Variants in CERS3 observed in about 807,000 individuals in gnomAD.
CERS3 encodes the protein ceramide synthase 3.
Under a neutral mutation model 50.3 loss-of-function variants are expected in CERS3, and 33 were observed. The ratio of observed to expected loss-of-function variants is 0.66; its 90% confidence interval spans 0.50 to 0.88. The LOEUF is 0.88. Ranked by LOEUF, CERS3 falls within the 40% of genes least tolerant of loss-of-function variation. The pLI, the probability that CERS3 is intolerant of heterozygous loss-of-function variation, is 0.00. For missense variants in CERS3, 470 were observed against 460.3 expected (o/e 1.02, Z -0.19); for synonymous variants, 176 against 155.2 (o/e 1.13, Z -0.99).
intron 4 of CERS3, among the ~76,000 whole-genome samples, chr15:100,490,272 T>C (rs1244166315): frequency 6.6e-6 from 1 of 152,196 alleles, no homozygotes; most frequent in African/African-American, 2.4e-5. Flanking sequence ...AAGGAAACTT[T>C]ATATTGTGAA....
At chr15:100,442,921 C>T (rs562919402) in intron 11 of CERS3, among the ~76,000 whole-genome samples, 1 of 151,714 alleles carries the variant, frequency 6.6e-6, no homozygotes, top group South Asian at 2.1e-4. Flanking sequence ...CCCTTGCCTC[C>T]ATAACTGTTG....
intron 6 of CERS3, 78 bp downstream of exon 6, chr15:100,479,911 T>C (rs541986784): frequency 1.1e-4 from 113 of 1,025,096 alleles, no homozygotes; most frequent in Non-Finnish European, 1.5e-4. Flanking sequence ...GAAAGTACTA[T>C]ACCCTAAAGG....
chr15:100,421,620 C>T lies in CERS3; in HGVS notation c.1000-18755G>A, dbSNP rs910865633. Reference sequence around the variant, plus strand: ...TATGGAACCAAAAAAGAGCCCGCATCGCCAAGTCAATCCTAAGCCAAAAGA... The same window carrying T: ...TATGGAACCAAAAAAGAGCCCGCATTGCCAAGTCAATCCTAAGCCAAAAGA... On this transcript the variant is annotated intron_variant, in intron 11 of 11. Transcript: ENST00000679737. Among the ~76,000 whole-genome samples the T allele has an allele frequency of 2.2e-3, 331 of 148,734 alleles. 3 individuals are homozygous for T. The highest frequency in any genetic ancestry group is 7.6e-3 in the African/African-American group (306 of 40,196).
chr15:100,541,787 C>A (rs1452636467), intron 1 of CERS3, among the ~76,000 whole-genome samples: 1 of 152,078 alleles, frequency 6.6e-6, no homozygotes, highest in Non-Finnish European at 1.5e-5. Flanking sequence ...TAACATGTCA[C>A]AATATTTAGA....
chr15:100,536,777 G>A (rs2142428254), intron 1 of CERS3, among the ~76,000 whole-genome samples: 1 of 152,322 alleles, frequency 6.6e-6, no homozygotes, highest in South Asian at 2.1e-4. Context: ...CTCAGTCAAT[G>A]TTCCATGTGC....
intron 11 of CERS3, among the ~76,000 whole-genome samples, chr15:100,434,529 G>A (rs1469664571): frequency 1.3e-5 from 2 of 152,184 alleles, no homozygotes; most frequent in Non-Finnish European, 1.5e-5. Flanking sequence ...GAGTGTTCAG[G>A]AATAAGGTTT....
At chr15:100,436,634 AAAAT>A (rs919541278) in intron 11 of CERS3, among the ~76,000 whole-genome samples, 13 of 152,284 alleles carry the variant, frequency 8.5e-5, no homozygotes, top group African/African-American at 1.2e-4. Flanking sequence ...AGCTTAAAGT[AAAAT>A]AAATAAATAA....
At chr15:100,480,209 T>C (rs1332022995) in intron 5 of CERS3, among the ~76,000 whole-genome samples, 163 bp from the exon 6 acceptor site, 1 of 152,204 alleles carries the variant, frequency 6.6e-6, no homozygotes, top group African/African-American at 2.4e-5. Context: ...GTTACAACCT[T>C]AGGTAAATCA....
chr15:100,542,517 TA>T (rs1466773637), intron 1 of CERS3, among the ~76,000 whole-genome samples: 4 of 152,350 alleles, frequency 2.6e-5, no homozygotes, highest in Admixed American at 2.0e-4. Context: ...CTTAGTGTGA[TA>T]AATCAGACAC....
intron 2 of CERS3, among the ~76,000 whole-genome samples, chr15:100,511,800 G>A (rs112810496): frequency 1.8e-4 from 3 of 16,988 alleles, no homozygotes; most frequent in African/African-American, 3.3e-4. Context: ...TACATGCCCT[G>A]GAGAGGAGCA....
intron 10 of CERS3, among the ~76,000 whole-genome samples, chr15:100,459,760 C>T (rs2142207258): frequency 6.6e-6 from 1 of 152,288 alleles, no homozygotes; most frequent in South Asian, 2.1e-4. Flanking sequence ...TATCTGCTTC[C>T]TCAGATATTG....
intron 11 of CERS3, among the ~76,000 whole-genome samples, chr15:100,452,226 C>A (rs1430405903): frequency 6.6e-6 from 1 of 152,120 alleles, no homozygotes; most frequent in African/African-American, 2.4e-5. Context: ...TATGTTAGGA[C>A]ATAAAACATG....
intron 10 of CERS3, among the ~76,000 whole-genome samples, chr15:100,460,368 G>A (rs527815143): frequency 6.6e-6 from 1 of 152,248 alleles, no homozygotes; most frequent in Admixed American, 6.5e-5. Flanking sequence ...CAGGAATATA[G>A]CAATGAATGA....
chr15:100,457,036 T>C (rs1383798069), intron 10 of CERS3, among the ~76,000 whole-genome samples: 1 of 152,172 alleles, frequency 6.6e-6, no homozygotes, highest in East Asian at 1.9e-4. Flanking sequence ...AGTCTTTCAA[T>C]AGGTTTGTTT....
At chr15:100,469,955 G>C (rs992519295) in intron 9 of CERS3, among the ~76,000 whole-genome samples, 5 of 152,098 alleles carry the variant, frequency 3.3e-5, no homozygotes, top group African/African-American at 1.2e-4. Flanking sequence ...GAGGGAAGAG[G>C]CAAAGTTGGG....
At chr15:100,435,080 G>A (rs2033335818) in intron 11 of CERS3, among the ~76,000 whole-genome samples, 1 of 152,170 alleles carries the variant, frequency 6.6e-6, no homozygotes, top group Non-Finnish European at 1.5e-5. Flanking sequence ...TCAATGCCGT[G>A]CTCTCAGGAA....
intron 11 of CERS3, among the ~76,000 whole-genome samples, chr15:100,418,918 GC>G (rs1260465405): frequency 6.6e-6 from 1 of 151,670 alleles, no homozygotes; most frequent in Non-Finnish European, 1.5e-5. Context: ...CCTTACAAGA[GC>G]TCCTGAAGGA....
chr15:100,427,441 C>T (rs1173372756), intron 11 of CERS3, among the ~76,000 whole-genome samples: 6 of 152,256 alleles, frequency 3.9e-5, no homozygotes, highest in Admixed American at 6.5e-5. Flanking sequence ...GTGGCCATTA[C>T]GTGAGGCTAT....
At chr15:100,434,892 T>A (rs2033324365) in intron 11 of CERS3, among the ~76,000 whole-genome samples, 2 of 152,052 alleles carry the variant, frequency 1.3e-5, no homozygotes, top group Non-Finnish European at 2.9e-5. Flanking sequence ...CATTTCGTTT[T>A]GGGAAACGAC....
Sources: gnomAD v4.1 joint callset for allele counts (sites outside exome capture counted in the v4.1 genomes callset) on GRCh38, gnomAD v4.1.1 for gene constraint, MANE v1.5 for transcripts, NCBI Gene and HGNC (gene_info 2026-07-23, HGNC 2026-07-21) for gene names.